GPAT4: variants seen among roughly 807,000 people sequenced by gnomAD.
GPAT4 encodes glycerol-3-phosphate acyltransferase 4.
In GPAT4, 17 loss-of-function variants were observed where a neutral mutation model predicts 58.0. The observed-to-expected ratio is 0.29, with a 90% confidence interval of 0.20 to 0.44. GPAT4 has a LOEUF of 0.44. Ranked by LOEUF, GPAT4 falls within the 20% of genes least tolerant of loss-of-function variation. The pLI, the probability that GPAT4 is intolerant of heterozygous loss-of-function variation, is 1.00. For missense variants in GPAT4, 377 were observed against 574.5 expected, an observed-to-expected ratio of 0.66 and a Z score of 3.51; for synonymous variants, 204 against 210.1, an observed-to-expected ratio of 0.97 and a Z score of 0.25.
At chr8:41,604,162 A>G (rs1803190559) in intron 2 of GPAT4, among the ~76,000 whole-genome samples, 1 of 151,144 alleles carries the variant, frequency 6.6e-6, no homozygotes, top group African/African-American at 2.4e-5. Flanking sequence ...TTTATCAGCC[A>G]TTTTCACATT....
rs73625150 is a variant in GPAT4 at position 41,622,579 on chromosome 8, C to T, written c.*1578C>T. The T allele has an allele frequency of 0.056, 8,517 of 152,458 alleles. 312 individuals carry two copies. Among genetic ancestry groups the T allele is most frequent in the African/African-American group, 0.092 (3,807 of 41,554 alleles). 9.4% of individuals were successfully genotyped at this position (152,458 alleles called of 1,614,324 possible). On this transcript the variant is annotated 3_prime_UTR_variant, in exon 13 of 13. Transcript: ENST00000396987. ...TTTGTGCCTGTGGTGCTGAGTGTCA[C>T]GTCCCCAAGGTCGCCCTCTGGCCTG...
intron 1 of GPAT4, chr8:41,584,704 C>G (rs1335880273): frequency 6.6e-6 from 1 of 152,182 alleles, no homozygotes; most frequent in Non-Finnish European, 1.5e-5. Context: ...AAAGCTCCAG[C>G]AAATCAAATT....
chr8:41,590,718 A>G (rs1802767726), intron 1 of GPAT4, among the ~76,000 whole-genome samples: 1 of 152,214 alleles, frequency 6.6e-6, no homozygotes, highest in East Asian at 1.9e-4. Flanking sequence ...CATCAGAACT[A>G]GGAACTAGGG....
At position 41,624,252 on chromosome 8, in the gene GPAT4, C is replaced by G. The variant is rs904165790; in HGVS notation, c.*3251C>G. The G allele has an allele frequency of 7.2e-5, 11 of 152,234 alleles. No individual in the cohort carries two copies. The highest frequency in any genetic ancestry group is 2.7e-4 in the African/African-American group (11 of 41,444). The allele number at this position is 152,234 out of a possible 1,614,324, so 9.4% of individuals were successfully genotyped here. A position where few individuals can be genotyped will look rare whatever the true frequency, so the allele number is the denominator to read the frequency against. On this transcript the variant is annotated 3_prime_UTR_variant, in exon 13 of 13. Transcript: ENST00000396987. ...CTGGTGCTGCCTTTCAGAGAAGAGG[C>G]TTGATGTGTGAGGGGTCAGGGGGAG...
chr8:41,617,189 C>T (rs961547194), intron 10 of GPAT4, among the ~76,000 whole-genome samples: 1 of 152,100 alleles, frequency 6.6e-6, no homozygotes, highest in African/African-American at 2.4e-5. Context: ...TGGTGAAACC[C>T]CGTCTCTACT....
At chr8:41,595,473 A>G (rs1201369292) in intron 1 of GPAT4, among the ~76,000 whole-genome samples, 1 of 151,924 alleles carries the variant, frequency 6.6e-6, no homozygotes, top group Non-Finnish European at 1.5e-5. Context: ...CTTTTGGGCC[A>G]TCTGCAGATT....
At chr8:41,579,653 C>T (rs1802458339) in intron 1 of GPAT4, among the ~76,000 whole-genome samples, 1 of 152,102 alleles carries the variant, frequency 6.6e-6, no homozygotes, top group African/African-American at 2.4e-5. Flanking sequence ...GCCTGGCCAA[C>T]ATGGTGAAAC....
intron 1 of GPAT4, among the ~76,000 whole-genome samples, chr8:41,594,638 C>G (rs1297650795): frequency 6.6e-6 from 1 of 151,496 alleles, no homozygotes; most frequent in Admixed American, 6.6e-5. Flanking sequence ...CTCCGCCTCC[C>G]GGGTTCACGC....
At chr8:41,613,097 A>G (rs535187169) in intron 8 of GPAT4, 137 bp downstream of exon 8, 1 of 729,204 alleles carries the variant, frequency 1.4e-6, no homozygotes, top group Non-Finnish European at 2.1e-6. Flanking sequence ...TTTTCCTAAA[A>G]CATGAAATTT....
chr8:41,587,320 G>T (rs1262608684), intron 1 of GPAT4, among the ~76,000 whole-genome samples: 3 of 152,186 alleles, frequency 2.0e-5, no homozygotes, highest in Non-Finnish European at 4.4e-5. Flanking sequence ...GGCAAAAGTG[G>T]TAGTTGAAAA....
chr8:41,584,189 G>A (rs112521345), intron 1 of GPAT4, among the ~76,000 whole-genome samples: 4,986 of 152,248 alleles, frequency 0.033, 142 homozygotes, highest in African/African-American at 0.069. Flanking sequence ...GAGCCACTGC[G>A]CCTGGCCAGT....
intron 8 of GPAT4, among the ~76,000 whole-genome samples, 170 bp from the exon 9 acceptor site, chr8:41,614,216 A>G (rs1803529127): frequency 6.6e-6 from 1 of 152,246 alleles, no homozygotes; most frequent in Admixed American, 6.5e-5. Context: ...CTCTATCCAT[A>G]TACATTTTTT....
In GPAT4 at chr8:41,599,035, G is replaced by A. The variant is rs959959197; in HGVS notation, c.-105G>A. The A allele has an allele frequency of 1.0e-5, 15 of 1,439,322 alleles. No individual in the cohort carries two copies. Among genetic ancestry groups the A allele is most frequent in the South Asian group, 4.2e-5 (3 of 71,826 alleles). 89.2% of individuals were successfully genotyped at this position (1,439,322 alleles called of 1,614,324 possible). Reference sequence around the variant, plus strand: ...TTTGGAATGGGGTTTGCTGTTCTTCGGGAACTTGCTTCCTTTCCCTGGCTG... The same window carrying A: ...TTTGGAATGGGGTTTGCTGTTCTTCAGGAACTTGCTTCCTTTCCCTGGCTG... On this transcript the variant is annotated 5_prime_UTR_variant, in exon 2 of 13. Coordinates refer to ENST00000396987, the MANE Select transcript of GPAT4 (RefSeq NM_178819.4).
intron 8 of GPAT4, 95 bp from the exon 9 acceptor site, chr8:41,614,291 A>T: frequency 9.4e-7 from 1 of 1,069,024 alleles, no homozygotes; most frequent in East Asian, 2.6e-5. Context: ...TTTATAATCG[A>T]AACTAGTGTC....
chr8:41,607,530 G>A (rs1239938370), intron 2 of GPAT4, among the ~76,000 whole-genome samples: 6 of 150,288 alleles, frequency 4.0e-5, no homozygotes, highest in African/African-American at 1.2e-4. Context: ...ACAGAATCAA[G>A]TTTCTCTCTC....
chr8:41,584,652 C>A (rs958415860), intron 1 of GPAT4: 11 of 152,190 alleles, frequency 7.2e-5, no homozygotes, highest in Non-Finnish European at 1.3e-4. Context: ...ATTGAGCCAT[C>A]AGAGCAGTGT....
intron 2 of GPAT4, among the ~76,000 whole-genome samples, chr8:41,604,519 A>T (rs1383728035): frequency 2.0e-5 from 3 of 152,166 alleles, no homozygotes; most frequent in Non-Finnish European, 4.4e-5. Context: ...GCTTCACATG[A>T]ACCCCCTCCA....
Position 41,599,214 on chromosome 8 carries a change from C to A in GPAT4, c.75C>A (p.Leu25=). The change falls in exon 2 of 13, where the codon CTC becomes CTA. Residue 25 remains leucine, a synonymous_variant. Transcript: ENST00000396987. ...LGISLTVLFT[L]LLVFIIVPAI... The stretch of plus-strand genomic sequence containing the variant: ...TCTCCCTGACTGTCCTCTTCACCCT[C>A]CTTCTCGTTTTCATCATAGTGCCAG... 6.2e-7 allele frequency: 1 copy of A among 1,614,092 alleles called. No individual in the cohort carries two copies.
In GPAT4 at chr8:41,615,667, T is replaced by C. The variant is rs560657468; in HGVS notation, c.1053+619T>C. Among the ~76,000 whole-genome samples the C allele has an allele frequency of 9.2e-5, 14 of 152,252 alleles. No homozygotes were observed. The East Asian group carries it at 2.5e-3, about 27-fold the overall frequency. On this transcript the variant is annotated intron_variant, in intron 10 of 12. Transcript: ENST00000396987. ...TCATCTGCACATTGTTCCTCCCCGC[T>C]CTTACCCTCTTCACATCCACCAGGC...
Sources: gnomAD v4.1 joint callset for allele counts (sites outside exome capture counted in the v4.1 genomes callset) on GRCh38, gnomAD v4.1.1 for gene constraint, MANE v1.5 for transcripts, NCBI Gene and HGNC (gene_info 2026-07-23, HGNC 2026-07-21) for gene names.